Variants in SPACA3 observed in about 807,000 individuals in gnomAD.
SPACA3 encodes sperm acrosome membrane-associated protein 3.
A neutral mutation model predicts 24.5 loss-of-function variants in SPACA3; 21 were observed. The observed-to-expected ratio is 0.86, with a 90% confidence interval of 0.61 to 1.24. The LOEUF (loss-of-function observed/expected upper bound fraction) is 1.24, where lower values mean the gene tolerates loss of function less well. Among genes scored for constraint, SPACA3 ranks in the 50% most tolerant of loss-of-function variants. SPACA3 has a pLI of 0.00. For synonymous variants in SPACA3, 115 were observed against 106.9 expected (o/e 1.08, Z -0.47); for missense variants, 278 against 275.5 (o/e 1.01, Z -0.06).
chr17:32,995,720 G>A lies in SPACA3; in HGVS notation c.343+3G>A, dbSNP rs751573579. The A allele has an allele frequency of 1.9e-6, 3 of 1,609,688 alleles. No individual in the cohort carries two copies. The highest frequency in any genetic ancestry group is 2.2e-5 in the East Asian group (1 of 44,766). On this transcript the variant is annotated splice_donor_region_variant and intron_variant, in intron 2 of 4. Transcript: ENST00000269053. ...CCGGGGATACAGCCTGGCTGACTGT[G>A]AGAACCCCTCTCCCTGGCGGGCCCT...
chr17:32,992,883 T>C (rs1197124045), intron 1 of SPACA3: 1 of 470,880 alleles, frequency 2.1e-6, no homozygotes, highest in African/African-American at 2.0e-5. Context: ...GTGGGAGCCA[T>C]CCAAGGTGTC....
At chr17:32,995,003 A>G (rs2091712918) in intron 1 of SPACA3, among the ~76,000 whole-genome samples, 1 of 152,018 alleles carries the variant, frequency 6.6e-6, no homozygotes, top group Admixed American at 6.6e-5. Flanking sequence ...GTTCTGGGGG[A>G]GACCTTGTTT....
At chr17:32,997,626 C>A in intron 4 of SPACA3, 86 bp from the exon 5 acceptor site, 1 of 1,548,784 alleles carries the variant, frequency 6.5e-7, no homozygotes, top group Non-Finnish European at 8.9e-7. Context: ...GTTTAGAGAC[C>A]ACACTCTCCT....
At chr17:32,992,367 A>G (rs1437873789) in intron 1 of SPACA3, among the ~76,000 whole-genome samples, 1 of 152,074 alleles carries the variant, frequency 6.6e-6, no homozygotes, top group African/African-American at 2.4e-5. Context: ...GACAAACTCC[A>G]CCAGGTTGGC....
chr17:32,997,344 T>TGTAG (rs140846693), intron 3 of SPACA3, 101 bp from the exon 4 acceptor site: 14,006 of 587,222 alleles, frequency 0.024, 46 homozygotes, highest in Middle Eastern at 0.045. Flanking sequence ...TGTGTGTGTG[T>TGTAG]AGAGAGAGAG....
At chr17:32,994,836 C>G (rs969752742) in intron 1 of SPACA3, among the ~76,000 whole-genome samples, 17 of 152,276 alleles carry the variant, frequency 1.1e-4, no homozygotes, top group Admixed American at 9.8e-4. Flanking sequence ...GCAGGGAGGT[C>G]AAACCAGACG....
rs2091693125 is a variant in SPACA3 at position 32,992,083 on chromosome 17, C to T, written c.34+111C>T. On this transcript the variant is annotated intron_variant, in intron 1 of 4. Transcript: ENST00000269053. Reference sequence around the variant, plus strand: ...GGTGGTTAGGGTGGGGTTATCCTGGCCTGGAAGAGTGACCAGCTGAGAGAG... The same window carrying T: ...GGTGGTTAGGGTGGGGTTATCCTGGTCTGGAAGAGTGACCAGCTGAGAGAG... 2.6e-5 allele frequency: 29 copies of T among 1,121,594 alleles called. 1 individual carries two copies. The South Asian group carries it at 3.9e-4, about 15-fold the overall frequency. 69.5% of individuals were successfully genotyped at this position (1,121,594 alleles called of 1,614,324 possible). A position where few individuals can be genotyped will look rare whatever the true frequency, so the allele number is the denominator to read the frequency against.
rs1567710479 is a variant in SPACA3, at chr17:32,992,513, C to T, written c.34+541C>T. Reference sequence around the variant, plus strand: ...CCAGCAACTCTGCAGATAAATAAGACATGCAGATAAATAAGACCAGCCGCC... The same window carrying T: ...CCAGCAACTCTGCAGATAAATAAGATATGCAGATAAATAAGACCAGCCGCC... On this transcript the variant is annotated intron_variant, in intron 1 of 4. Transcript: ENST00000269053. Among the ~76,000 whole-genome samples, 3 of 152,294 alleles carry T rather than the reference C, an allele frequency of 2.0e-5. No individual in the cohort carries two copies. In the East Asian group the frequency reaches 5.8e-4, roughly 29 times the overall value.
rs1165442540 is a variant in SPACA3 at position 32,997,603 on chromosome 17, T to C, written c.581+80T>C. The C allele has an allele frequency of 1.7e-5, 27 of 1,543,382 alleles. 1 individual carries two copies. The Admixed American group carries it at 4.5e-4, about 26-fold the overall frequency. On this transcript the variant is annotated intron_variant, in intron 4 of 4. Coordinates refer to ENST00000269053, the MANE Select transcript of SPACA3 (RefSeq NM_173847.5). ...AGCAGCAGGGAACAAACCCCTTTCC[T>C]TCCTCACTTCTGGTTTAGAGACCAC... is the stretch of plus-strand genomic sequence containing the variant.
intron 1 of SPACA3, among the ~76,000 whole-genome samples, chr17:32,994,657 T>G (rs2091711248): frequency 6.6e-6 from 1 of 151,682 alleles, no homozygotes; most frequent in Non-Finnish European, 1.5e-5. Flanking sequence ...GAAATGCGGG[T>G]GAGGACAAGA....
intron 1 of SPACA3, among the ~76,000 whole-genome samples, chr17:32,993,177 A>G (rs1383392762): frequency 6.6e-6 from 1 of 152,168 alleles, no homozygotes; most frequent in Non-Finnish European, 1.5e-5. Context: ...GCACATAAGG[A>G]AAGTCACAAG....
intron 1 of SPACA3, among the ~76,000 whole-genome samples, chr17:32,994,755 T>C (rs2091711581): frequency 6.6e-6 from 1 of 152,112 alleles, no homozygotes; most frequent in Non-Finnish European, 1.5e-5. Flanking sequence ...GGAGCCCTGA[T>C]GCTGTGACAC....
Position 32,997,277 on chromosome 17 carries a change from G to T in SPACA3, c.503-168G>T, listed in dbSNP as rs7207412. Among the ~76,000 whole-genome samples the T allele has an allele frequency of 1.9e-3, 291 of 152,006 alleles. 1 individual carries two copies. Among genetic ancestry groups the T allele is most frequent in the African/African-American group, 6.8e-3 (283 of 41,432 alleles). On this transcript the variant is annotated intron_variant, in intron 3 of 4. Transcript: ENST00000269053. ...GGATAGGGTTGTACCTGTGCTTCCG[G>T]AGTGGTTGAGACAGGATTGGATTTA...
intron 4 of SPACA3, 42 bp from the exon 5 acceptor site, chr17:32,997,670 C>T (rs752948473): frequency 1.2e-6 from 2 of 1,602,484 alleles, no homozygotes; most frequent in Non-Finnish European, 1.7e-6. Context: ...CTGGCAACTG[C>T]AGCTGATATT....
rs28956 is a variant in SPACA3 at position 32,997,763 on chromosome 17, T to C, written c.633T>C (p.Asp211=). Residue 211 remains aspartate, a synonymous_variant, in exon 5 of 5, where the codon GAT becomes GAC. Coordinates refer to ENST00000269053, the MANE Select transcript of SPACA3 (RefSeq NM_173847.5). ...GAAAAGACCTCACTGAATGGGTGGA[T>C]GGCTGTGACTTCTAGGATGGACGGA... ...CQGKDLTEWV[D]GCDF The C allele has an allele frequency of 4.6e-3, 7,458 of 1,614,160 alleles. 248 individuals are homozygous for C. In the African/African-American group the frequency reaches 0.087, roughly 19 times the overall value.
chr17:32,992,023 G>A, intron 1 of SPACA3, 51 bp downstream of exon 1: 1 of 1,602,904 alleles, frequency 6.2e-7, no homozygotes, highest in Non-Finnish European at 8.5e-7. Flanking sequence ...GCGCTGGGTT[G>A]GTCTGGCCAG....
In SPACA3 at chr17:32,997,005, G is replaced by C; in HGVS notation, c.502+4G>C. The C allele has an allele frequency of 6.6e-7, 1 of 1,513,556 alleles. No homozygotes were observed. The highest frequency in any genetic ancestry group is 8.9e-7 in the Non-Finnish European group (1 of 1,129,106). The allele number at this position is 1,513,556 out of a possible 1,614,324, so 93.8% of individuals were successfully genotyped here. On this transcript the variant is annotated splice_donor_region_variant and intron_variant, in intron 3 of 4. Transcript: ENST00000269053. Reference sequence around the variant, plus strand: ...GTGTGCCGGATGTACTGCTCAGGTAGCTGGGCCTGGGCCCAGGGCTGGCAG... The same window carrying C: ...GTGTGCCGGATGTACTGCTCAGGTACCTGGGCCTGGGCCCAGGGCTGGCAG...
chr17:32,992,984 C>T lies in SPACA3; in HGVS notation c.34+1012C>T, dbSNP rs1386252819. On this transcript the variant is annotated intron_variant, in intron 1 of 4. Coordinates refer to ENST00000269053, the MANE Select transcript of SPACA3 (RefSeq NM_173847.5). ...TGGTTGAGACATGATACAAGAAGAC[C>T]ATGAAGGAAGCCAGGATGGAGGTGT... is the stretch of plus-strand genomic sequence containing the variant. The T allele has an allele frequency of 1.1e-5, 5 of 469,622 alleles. No homozygotes were observed. In the East Asian group the frequency reaches 2.8e-4, roughly 26 times the overall value. 29.1% of individuals were successfully genotyped at this position (469,622 alleles called of 1,614,324 possible).
At position 32,996,859 on chromosome 17, in the gene SPACA3, T is replaced by A; in HGVS notation, c.360T>A (p.Tyr120Ter). 1.2e-6 allele frequency: 2 copies of A among 1,600,942 alleles called. No individual in the cohort carries two copies. Among genetic ancestry groups the A allele is most frequent in the South Asian group, 2.3e-5 (2 of 88,512 alleles). The change falls in exon 3 of 5, where the codon TAT becomes TAA. Residue 120 changes from tyrosine (Y) to a stop codon, truncating the protein, a stop_gained. Transcript: ENST00000269053. LOFTEE classifies it high-confidence loss of function. ...CCTATGCAGGGGTCTGCCTTGCTTA[T>A]TTCACAAGCGGTTTCAACGCAGCTG... ...YSLADWVCLA[Y>*]FTSGFNAAAL...
Sources: allele counts gnomAD v4.1 joint callset (sites outside exome capture counted in the v4.1 genomes callset), GRCh38; gene constraint gnomAD v4.1.1; transcripts MANE v1.5; gene names NCBI Gene and HGNC (gene_info 2026-07-23, HGNC 2026-07-21).